Variants in AATK observed in about 807,000 individuals in gnomAD.
The protein encoded by AATK is lemur tail kinase 1.
Under a neutral mutation model 114.3 loss-of-function variants are expected in AATK, and 91 were observed. That is an observed-to-expected ratio of 0.80 (90% CI 0.67 to 0.95). The LOEUF is 0.95. AATK is among the 40% of genes least tolerant of loss of function. The probability of loss-of-function intolerance (pLI) is 0.00; values close to 1 mark genes in which losing one functional copy is unlikely to be tolerated. For missense variants in AATK, 2,176 were observed against 1,965.2 expected (o/e 1.11, Z -2.03); for synonymous variants, 1,075 against 916.5 (o/e 1.17, Z -3.12).
chr17:81,121,536 G>A lies in AATK; in HGVS notation c.2400C>T (p.Pro800=). Residue 800 remains proline, a synonymous_variant, in exon 11 of 14, where the codon CCC becomes CCT. Coordinates refer to ENST00000326724, the MANE Select transcript of AATK (RefSeq NM_001080395.3). ...GTGGGGCTCCCTCCTGGGATGGGGAGGGGACGGAAGGAAGGGGCAGGCGGG... is the reference window on the plus strand; with the variant it reads ...GTGGGGCTCCCTCCTGGGATGGGGAAGGGACGGAAGGAAGGGGCAGGCGGG... The part of the protein sequence containing the change: ...TGPRLPLPSV[P]SPSQEGAPLP... 1.3e-6 allele frequency: 2 copies of A among 1,534,600 alleles called. No individual in the cohort carries two copies. The highest frequency in any genetic ancestry group is 1.8e-6 in the Non-Finnish European group (2 of 1,139,420).
intron 1 of AATK, among the ~76,000 whole-genome samples, chr17:81,144,479 C>T (rs2061187384): frequency 6.6e-6 from 1 of 152,198 alleles, no homozygotes; most frequent in Admixed American, 6.5e-5. Flanking sequence ...CCCCTGGAGG[C>T]ACCCCCAGGC....
At chr17:81,127,324 G>T (rs541389163) in intron 6 of AATK, among the ~76,000 whole-genome samples, 3 of 152,086 alleles carry the variant, frequency 2.0e-5, no homozygotes, top group African/African-American at 7.2e-5. Flanking sequence ...ACAAGCAGGT[G>T]ACCAAGCAGC....
rs1032391052 is a variant in AATK, at chr17:81,122,588, G to A, written c.1348C>T (p.Leu450=). ...ELAAASSFPL[L]EQFAGDGFHA... is the part of the protein sequence containing the mutation. ...AAGCCGTCGCCCGCGAACTGCTCCA[G>A]CAGCGGGAAGGACGAGGCAGCGGCG... The change falls in exon 11 of 14, where the codon CTG becomes TTG. Residue 450 remains leucine, a synonymous_variant. Coordinates refer to ENST00000326724, the MANE Select transcript of AATK (RefSeq NM_001080395.3). 3.5e-6 allele frequency: 5 copies of A among 1,444,394 alleles called. No homozygotes were observed. Among genetic ancestry groups the A allele is most frequent in the African/African-American group, 3.0e-5 (2 of 66,736 alleles). 89.5% of individuals were successfully genotyped at this position (1,444,394 alleles called of 1,614,324 possible).
chr17:81,121,062 A>C lies in AATK; in HGVS notation c.2874T>G (p.Cys958Trp). 1 of 1,608,028 alleles carries C rather than the reference A, an allele frequency of 6.2e-7. No homozygotes were observed. Among genetic ancestry groups the C allele is most frequent in the Non-Finnish European group, 8.5e-7 (1 of 1,177,680 alleles). The change falls in exon 11 of 14, where the codon TGT (cysteine) becomes TGG (tryptophan). Residue 958 changes from cysteine (C) to tryptophan (W), a missense_variant. By Grantham distance (215) the Cys-to-Trp change is radical. Transcript: ENST00000326724. Reference sequence around the variant, plus strand: ...CCAGCTCCGCAAAGGCCTGGGGCTCACACCCTTCCTGCGCCTCCTTGAGCA... The same window carrying C: ...CCAGCTCCGCAAAGGCCTGGGGCTCCCACCCTTCCTGCGCCTCCTTGAGCA... ...EFVLKEAQEG[C>W]EPQAFAELAS... is the part of the protein sequence containing the mutation.
At chr17:81,161,432 C>A (rs924151236) in intron 1 of AATK, among the ~76,000 whole-genome samples, 1 of 152,222 alleles carries the variant, frequency 6.6e-6, no homozygotes, top group Admixed American at 6.5e-5. Context: ...TTGATTACAG[C>A]TGCAAAGACC....
At chr17:81,145,234 C>CAAAAAAAAAAAAAAA (rs761538299) in intron 1 of AATK, among the ~76,000 whole-genome samples, 7 of 121,114 alleles carry the variant, frequency 5.8e-5, no homozygotes, top group South Asian at 2.9e-4. Context: ...GAGACTCCAT[C>CAAAAAAAAAAAAAAA]AAAAAAAAAA....
At chr17:81,131,984 G>A in intron 2 of AATK, 1 of 1,318,886 alleles carries the variant, frequency 7.6e-7, no homozygotes, top group Non-Finnish European at 1.0e-6. Flanking sequence ...CTCCTTAAGA[G>A]CCTGGCCCCG....
At chr17:81,144,208 C>A (rs2061182980) in intron 1 of AATK, among the ~76,000 whole-genome samples, 1 of 152,226 alleles carries the variant, frequency 6.6e-6, no homozygotes, top group Admixed American at 6.5e-5. Context: ...CTTGCACAGA[C>A]CCAGCCTGGC....
intron 4 of AATK, among the ~76,000 whole-genome samples, 189 bp from the exon 5 acceptor site, chr17:81,128,099 T>G (rs2060873412): frequency 6.6e-6 from 1 of 152,088 alleles, no homozygotes; most frequent in Non-Finnish European, 1.5e-5. Flanking sequence ...GGCTGTAATA[T>G]TCTGAGTCTT....
intron 13 of AATK, among the ~76,000 whole-genome samples, chr17:81,118,754 G>A (rs1197331293): frequency 1.3e-5 from 2 of 152,078 alleles, no homozygotes; most frequent in Non-Finnish European, 2.9e-5. Flanking sequence ...AGCCACACAG[G>A]GGGCACCCTG....
chr17:81,129,474 C>G (rs528226361), intron 3 of AATK, among the ~76,000 whole-genome samples: 2 of 152,196 alleles, frequency 1.3e-5, no homozygotes, highest in Non-Finnish European at 2.9e-5. Context: ...TCCTTCTCTG[C>G]GGTCCCCAGC....
chr17:81,151,174 C>G lies in AATK; in HGVS notation c.55+14764G>C, dbSNP rs139134088. Among the ~76,000 whole-genome samples the G allele has an allele frequency of 7.9e-3, 1,206 of 152,228 alleles. 6 individuals are homozygous for G. The highest frequency in any genetic ancestry group is 0.013 in the Admixed American group (192 of 15,296). The stretch of plus-strand genomic sequence containing the variant: ...CACAGGCGCCCAGACACAGAACATT[C>G]TGAGGAACGGAATTCCTAAGCAGAG... On this transcript the variant is annotated intron_variant, in intron 1 of 13. Coordinates refer to ENST00000326724, the MANE Select transcript of AATK (RefSeq NM_001080395.3).
At chr17:81,137,509 C>T (rs908201261) in intron 1 of AATK, among the ~76,000 whole-genome samples, 2 of 152,264 alleles carry the variant, frequency 1.3e-5, no homozygotes, top group Admixed American at 6.5e-5. Context: ...CTCTGCATTC[C>T]TGGAGCCTTC....
In AATK at chr17:81,122,252, C is replaced by A. The variant is rs768153497; in HGVS notation, c.1684G>T (p.Asp562Tyr). 32 of 1,492,004 alleles carry A rather than the reference C, an allele frequency of 2.1e-5. 1 individual carries two copies. In the South Asian group the frequency reaches 4.1e-4, roughly 19 times the overall value. The allele number at this position is 1,492,004 out of a possible 1,614,324, so 92.4% of individuals were successfully genotyped here. A position where few individuals can be genotyped will look rare whatever the true frequency, so the allele number is the denominator to read the frequency against. The change falls in exon 11 of 14, where the codon GAC (aspartate) becomes TAC (tyrosine). Residue 562 changes from aspartate to tyrosine, a missense_variant. Transcript: ENST00000326724. ...GCGGCGGTGCTGCCGTCAGAGTCGT[C>A]GTCCTGGTCCGCGGTGGCAGGTGGA... ...PSPPATADQD[D>Y]DSDGSTAASL...
chr17:81,147,926 C>T (rs1419586115), intron 1 of AATK, among the ~76,000 whole-genome samples: 1 of 151,956 alleles, frequency 6.6e-6, no homozygotes, highest in Non-Finnish European at 1.5e-5. Context: ...TGAGCTTTGA[C>T]GTCTCATATA....
chr17:81,150,017 G>A (rs1212505930), intron 1 of AATK, among the ~76,000 whole-genome samples: 1 of 152,158 alleles, frequency 6.6e-6, no homozygotes, highest in Admixed American at 6.5e-5. Context: ...CCAGCCTGGT[G>A]CCTCTGGCGG....
intron 9 of AATK, among the ~76,000 whole-genome samples, chr17:81,124,220 G>T (rs919510126): frequency 6.6e-6 from 1 of 152,100 alleles, no homozygotes; most frequent in African/African-American, 2.4e-5. Flanking sequence ...CGCCCACCCC[G>T]GGGCGGACCA....
chr17:81,160,781 C>T (rs939305671), intron 1 of AATK, among the ~76,000 whole-genome samples: 3 of 152,222 alleles, frequency 2.0e-5, no homozygotes, highest in Non-Finnish European at 4.4e-5. Flanking sequence ...AGGTGGCCCT[C>T]GAGAAAAGCC....
At position 81,140,778 on chromosome 17, in the gene AATK, GGTGAGACCGTGGGGCC is replaced by G. The variant is rs1421983461; in HGVS notation, c.56-6293_56-6278del. ...GCCGTGAGCCGTGGGGCTGTGGGGC[GGTGAGACCGTGGGGCC>G]GTGAGACCGTGGGGCTGTGAGCCGT... On this transcript the variant is annotated intron_variant, in intron 1 of 13. Transcript: ENST00000326724. Among the ~76,000 whole-genome samples the G allele has an allele frequency of 1.8e-3, 186 of 105,420 alleles. 4 individuals are homozygous for G. The highest frequency in any genetic ancestry group is 3.0e-3 in the Admixed American group (33 of 11,028). The allele number at this position is 105,420 out of a possible 152,430, so 69.2% of individuals were successfully genotyped here. A position where few individuals can be genotyped will look rare whatever the true frequency, so the allele number is the denominator to read the frequency against.
Sources: gnomAD v4.1 joint callset for allele counts (sites outside exome capture counted in the v4.1 genomes callset) on GRCh38, gnomAD v4.1.1 for gene constraint, MANE v1.5 for transcripts, NCBI Gene and HGNC (gene_info 2026-07-23, HGNC 2026-07-21) for gene names.